PIBF1: variants seen among roughly 807,000 people sequenced by gnomAD.
PIBF1 encodes the protein progesterone immunomodulatory binding factor 1.
In PIBF1, 90 loss-of-function variants were observed where a neutral mutation model predicts 112.5. The ratio of observed to expected loss-of-function variants is 0.80; its 90% CI spans 0.67 to 0.95. PIBF1 has a LOEUF of 0.95. PIBF1 is among the 40% of genes least tolerant of loss of function. The pLI is 0.00. For synonymous variants in PIBF1, 301 were observed against 288.6 expected (o/e 1.04, Z -0.44); for missense variants, 915 against 852.3 (o/e 1.07, Z -0.92).
chr13:72,806,662 GGTTTCCA>G (rs1394523117), intron 5 of PIBF1, among the ~76,000 whole-genome samples: 2 of 152,072 alleles, frequency 1.3e-5, no homozygotes, highest in Non-Finnish European at 2.9e-5. Context: ...GGAGAATGAT[GGTTTCCA>G]GTTTCATCCA....
rs374390806 is a variant in PIBF1, at chr13:72,827,019, T to G, written c.816T>G (p.Asp272Glu). ...AATTTTATTTTAACAGTGAACGTGA[T>G]GCACTTGAACAGGAAGTAATTGAGC... ...ENYDKVKSER[D>E]ALEQEVIELR... is the part of the protein sequence containing the mutation. The change falls in exon 7 of 18, where the codon GAT (aspartate) becomes GAG (glutamate). Residue 272 changes from aspartate to glutamate, a missense_variant. Coordinates refer to ENST00000326291, the MANE Select transcript of PIBF1 (RefSeq NM_006346.4). 60 of 1,590,312 alleles carry G rather than the reference T, an allele frequency of 3.8e-5. No individual in the cohort carries two copies. Among genetic ancestry groups the G allele is most frequent in the Non-Finnish European group, 5.1e-5 (59 of 1,164,874 alleles).
At chr13:72,817,825 G>A (rs1197148749) in intron 5 of PIBF1, among the ~76,000 whole-genome samples, 3 of 152,090 alleles carry the variant, frequency 2.0e-5, no homozygotes, top group Non-Finnish European at 4.4e-5. Flanking sequence ...TATTTTGAGG[G>A]AAGATGCTAT....
intron 10 of PIBF1, among the ~76,000 whole-genome samples, chr13:72,863,817 A>T (rs1306010715): frequency 6.6e-6 from 1 of 152,208 alleles, no homozygotes; most frequent in Non-Finnish European, 1.5e-5. Flanking sequence ...CACAATAAAG[A>T]TATACTCAAA....
At chr13:72,986,329 G>A (rs2043286807) in intron 16 of PIBF1, among the ~76,000 whole-genome samples, 1 of 152,194 alleles carries the variant, frequency 6.6e-6, no homozygotes, top group African/African-American at 2.4e-5. Flanking sequence ...GGGGAAAGTA[G>A]TGAGAAGTCC....
intron 5 of PIBF1, among the ~76,000 whole-genome samples, chr13:72,817,326 A>G (rs2036321154): frequency 6.6e-6 from 1 of 152,194 alleles, no homozygotes; most frequent in African/African-American, 2.4e-5. Flanking sequence ...TTTTATTGAG[A>G]ACAGAAATTG....
At chr13:73,004,830 A>C (rs947315142) in intron 17 of PIBF1, among the ~76,000 whole-genome samples, 1 of 152,198 alleles carries the variant, frequency 6.6e-6, no homozygotes, top group Admixed American at 6.5e-5. Flanking sequence ...AGTTCTATGG[A>C]TGGACAGTAG....
intron 11 of PIBF1, 39 bp downstream of exon 11, chr13:72,893,988 T>C (rs2040162203): frequency 7.7e-7 from 1 of 1,303,752 alleles, no homozygotes; most frequent in Non-Finnish European, 1.0e-6. Context: ...TAGCATGGCA[T>C]GTAAACTCCC....
intron 10 of PIBF1, among the ~76,000 whole-genome samples, chr13:72,874,657 G>A (rs1431888495): frequency 6.6e-6 from 1 of 152,188 alleles, no homozygotes; most frequent in Non-Finnish European, 1.5e-5. Flanking sequence ...AGTCACAGTT[G>A]CATGGCCAAA....
rs143803690 is a variant in PIBF1 at position 72,826,845 on chromosome 13, C to T, written c.807-165C>T. Reference sequence around the variant, plus strand: ...TTTGAACAAGGTCTGAAACAGAGTCCCTTCTAAATCTGAAAAGTAGGTACT... The same window carrying T: ...TTTGAACAAGGTCTGAAACAGAGTCTCTTCTAAATCTGAAAAGTAGGTACT... On this transcript the variant is annotated intron_variant, in intron 6 of 17. Transcript: ENST00000326291. 2.3e-3 allele frequency among the ~76,000 whole-genome samples: 353 copies of T among 152,028 alleles called. 3 individuals carry two copies. Among genetic ancestry groups the T allele is most frequent in the African/African-American group, 7.7e-3 (321 of 41,482 alleles).
At position 73,007,555 on chromosome 13, in the gene PIBF1, A is replaced by G. The variant is rs953682577; in HGVS notation, c.2224-8314A>G. On this transcript the variant is annotated intron_variant, in intron 17 of 17. Coordinates refer to ENST00000326291, the MANE Select transcript of PIBF1 (RefSeq NM_006346.4). Reference sequence around the variant, plus strand: ...CCAGGCGCAGTGGCTCACGCCTGTAATCCCAGCACTTTGGGAGGCCAAGGC... The same window carrying G: ...CCAGGCGCAGTGGCTCACGCCTGTAGTCCCAGCACTTTGGGAGGCCAAGGC... Among the ~76,000 whole-genome samples, 8 of 152,182 alleles carry G rather than the reference A, an allele frequency of 5.3e-5. No individual in the cohort carries two copies. The East Asian group carries it at 1.2e-3, about 22-fold the overall frequency.
Position 72,867,205 on chromosome 13 carries a change from G to A in PIBF1, c.1322+13050G>A, listed in dbSNP as rs144863747. ...ACAAGATCTGGTGGTTTTAAAAATGGGAGCTTCCCTGCACAAGCTCTCTCT... is the reference window on the plus strand; with the variant it reads ...ACAAGATCTGGTGGTTTTAAAAATGAGAGCTTCCCTGCACAAGCTCTCTCT... On this transcript the variant is annotated intron_variant, in intron 10 of 17. Coordinates refer to ENST00000326291, the MANE Select transcript of PIBF1 (RefSeq NM_006346.4). Among the ~76,000 whole-genome samples, 1,184 of 152,186 alleles carry A rather than the reference G, an allele frequency of 7.8e-3. 63 individuals carry two copies. Among genetic ancestry groups the A allele is most frequent in the Non-Finnish European group, 1.9e-3 (127 of 68,004 alleles).
chr13:72,860,146 G>C (rs2038625206), intron 10 of PIBF1, among the ~76,000 whole-genome samples: 1 of 152,162 alleles, frequency 6.6e-6, no homozygotes, highest in Non-Finnish European at 1.5e-5. Context: ...CAAGTGGGTA[G>C]CTTGATGAGT....
At chr13:72,841,522 A>C (rs1404560030) in intron 9 of PIBF1, among the ~76,000 whole-genome samples, 1 of 152,142 alleles carries the variant, frequency 6.6e-6, no homozygotes, top group Non-Finnish European at 1.5e-5. Context: ...TGTAATACCA[A>C]CACTTTGGGA....
At chr13:72,835,112 A>G (rs2037296912) in intron 8 of PIBF1, 131 bp from the exon 9 acceptor site, 3 of 481,352 alleles carry the variant, frequency 6.2e-6, no homozygotes, top group South Asian at 6.9e-5. Context: ...TTATACTATT[A>G]ATAGTTAAGT....
At position 72,965,308 on chromosome 13, in the gene PIBF1, A is replaced by G. The variant is rs1391172940; in HGVS notation, c.1868A>G (p.Gln623Arg). 10 of 1,611,896 alleles carry G rather than the reference A, an allele frequency of 6.2e-6. No homozygotes were observed. The South Asian group carries it at 9.9e-5, about 16-fold the overall frequency. Residue 623 changes from glutamine (Q) to arginine (R), a missense_variant, in exon 15 of 18, where the codon CAA (glutamine) becomes CGA (arginine). By Grantham distance (43) the Gln-to-Arg change is conservative. Transcript: ENST00000326291. Reference protein sequence around the residue: ...DRANSLLNQTQQPYRYLIESV... With the variant: ...DRANSLLNQTRQPYRYLIESV... ...GCCAATTCGCTATTAAACCAGACTC[A>G]ACAGCCTTACAGGTATCTCATTGAA...
intron 5 of PIBF1, among the ~76,000 whole-genome samples, chr13:72,811,969 C>T (rs1052801775): frequency 3.3e-5 from 5 of 152,110 alleles, no homozygotes; most frequent in African/African-American, 9.7e-5. Flanking sequence ...TTTAAAGAGT[C>T]ATAAGACTTT....
At chr13:72,920,946 C>G (rs572824116) in intron 13 of PIBF1, among the ~76,000 whole-genome samples, 1 of 152,198 alleles carries the variant, frequency 6.6e-6, no homozygotes, top group Admixed American at 6.5e-5. Flanking sequence ...TCAAAGGAAC[C>G]TATTTTCCAA....
Position 72,919,568 on chromosome 13 carries a change from T to C in PIBF1, c.1730+2402T>C, listed in dbSNP as rs142547903. 2.0e-3 allele frequency among the ~76,000 whole-genome samples: 308 copies of C among 152,316 alleles called. 1 individual carries two copies. Among genetic ancestry groups the C allele is most frequent in the African/African-American group, 7.0e-3 (291 of 41,558 alleles). ...CATAGTTTTGTGGGTAAGAGACTTA[T>C]CAGTAGTAAATGATAGGTAAAATAC... On this transcript the variant is annotated intron_variant, in intron 13 of 17. Coordinates refer to ENST00000326291, the MANE Select transcript of PIBF1 (RefSeq NM_006346.4).
intron 9 of PIBF1, among the ~76,000 whole-genome samples, chr13:72,841,293 A>G (rs1375016895): frequency 1.3e-5 from 2 of 152,196 alleles, no homozygotes; most frequent in African/African-American, 4.8e-5. Context: ...CTTGCTTAGT[A>G]GGTATTATGT....
Sources: allele counts gnomAD v4.1 joint callset (sites outside exome capture counted in the v4.1 genomes callset), GRCh38; gene constraint gnomAD v4.1.1; transcripts MANE v1.5; gene names NCBI Gene and HGNC (gene_info 2026-07-23, HGNC 2026-07-21).